LINGO2: variants seen among roughly 807,000 people sequenced by gnomAD.
LINGO2 encodes leucine-rich repeat and immunoglobulin-like domain-containing nogo receptor-interacting protein 2.
A neutral mutation model predicts 30.6 loss-of-function variants in LINGO2; 14 were observed. The observed-to-expected ratio is 0.46, with a 90% CI of 0.30 to 0.72. The LOEUF is 0.72. Ranked by LOEUF, LINGO2 falls within the 30% of genes least tolerant of loss-of-function variation. LINGO2 has a pLI of 0.07. For synonymous variants in LINGO2, 317 were observed against 288.5 expected (o/e 1.10, Z -1.00); for missense variants, 729 against 751.7 (o/e 0.97, Z 0.35).
At chr9:28,849,724 C>G in the LINGO2 span, among the ~76,000 whole-genome samples, 1 of 152,016 alleles carries the variant, frequency 6.6e-6, no homozygotes, top group Non-Finnish European at 1.5e-5. Context: ...AAGACCAACT[C>G]TAACCATCTC....
rs1461558450 is a variant in LINGO2 at position 28,549,862 on chromosome 9, A to G, written c.-364-73837T>C. On this transcript the variant is annotated intron_variant, in intron 1 of 5. Transcript: ENST00000379992. ...TCTCATACTCTTTAATAGTTCTCGA[A>G]AATATCATTTTACCCTCCATTTTTG... is the stretch of plus-strand genomic sequence containing the variant. 2.0e-5 allele frequency among the ~76,000 whole-genome samples: 3 copies of G among 151,666 alleles called. No individual in the cohort carries two copies. In the East Asian group the frequency reaches 5.8e-4, roughly 29 times the overall value.
chr9:28,138,708 A>G (rs1827591193), intron 4 of LINGO2, among the ~76,000 whole-genome samples: 1 of 152,194 alleles, frequency 6.6e-6, no homozygotes. Flanking sequence ...AAACCTTACT[A>G]ATGCTAATAT....
exon 6 of LINGO2, chr9:27,949,498 A>T (rs1329848676): frequency 6.2e-7 from 1 of 1,613,676 alleles, no homozygotes; most frequent in African/African-American, 1.3e-5. Flanking sequence ...TCCTTGAAAG[A>T]CCTCTCACGG....
At chr9:28,138,040 TGGAA>T (rs1406944808) in intron 4 of LINGO2, among the ~76,000 whole-genome samples, 3 of 152,194 alleles carry the variant, frequency 2.0e-5, no homozygotes, top group African/African-American at 7.2e-5. Context: ...ATAAAAACTC[TGGAA>T]GGTAGATATC....
At chr9:29,078,906 A>G in the LINGO2 span, among the ~76,000 whole-genome samples, 2 of 151,908 alleles carry the variant, frequency 1.3e-5, no homozygotes, top group Non-Finnish European at 2.9e-5. Context: ...AACAATTATT[A>G]GAAGGCCCAG....
the LINGO2 span, among the ~76,000 whole-genome samples, chr9:29,172,563 C>T: frequency 6.6e-6 from 1 of 151,744 alleles, no homozygotes; most frequent in Non-Finnish European, 1.5e-5. Context: ...ATTTAATAAT[C>T]ACTGAAATTA....
chr9:28,269,606 A>C (rs1235054576), intron 4 of LINGO2, among the ~76,000 whole-genome samples: 2 of 152,104 alleles, frequency 1.3e-5, no homozygotes, highest in Non-Finnish European at 2.9e-5. Context: ...GTTTCACAGC[A>C]AGGCAAACTT....
the LINGO2 span, among the ~76,000 whole-genome samples, chr9:29,162,647 T>G: frequency 6.6e-6 from 1 of 152,136 alleles, no homozygotes; most frequent in Non-Finnish European, 1.5e-5. Context: ...AAATGGATGG[T>G]GTATATAAAA....
chr9:28,862,627 C>A, the LINGO2 span, among the ~76,000 whole-genome samples: 1 of 151,978 alleles, frequency 6.6e-6, no homozygotes, highest in Non-Finnish European at 1.5e-5. Context: ...TAGATATATT[C>A]AATGATGATG....
chr9:29,167,086 T>C, the LINGO2 span, among the ~76,000 whole-genome samples: 1 of 152,144 alleles, frequency 6.6e-6, no homozygotes, highest in Non-Finnish European at 1.5e-5. Context: ...ACAATAATTA[T>C]TTATTTTGTA....
intron 2 of LINGO2, among the ~76,000 whole-genome samples, chr9:28,448,745 G>A (rs1378629696): frequency 6.6e-6 from 1 of 152,080 alleles, no homozygotes; most frequent in Non-Finnish European, 1.5e-5. Context: ...GAGCATTTAA[G>A]CTAGCCTTGA....
intron 2 of LINGO2, among the ~76,000 whole-genome samples, chr9:28,378,075 T>C (rs1295200813): frequency 6.6e-6 from 1 of 152,224 alleles, no homozygotes; most frequent in African/African-American, 2.4e-5. Context: ...TAAGCATTTG[T>C]GGCATCACTG....
At chr9:28,107,484 A>G (rs753366226) in intron 4 of LINGO2, among the ~76,000 whole-genome samples, 1 of 152,102 alleles carries the variant, frequency 6.6e-6, no homozygotes, top group Non-Finnish European at 1.5e-5. Flanking sequence ...GAGACACTCT[A>G]AGGTTTCTTC....
the LINGO2 span, among the ~76,000 whole-genome samples, chr9:29,133,060 C>A: frequency 6.6e-6 from 1 of 152,040 alleles, no homozygotes; most frequent in Non-Finnish European, 1.5e-5. Context: ...TGTCAGTAGC[C>A]TCCTACCTGG....
chr9:28,569,414 A>C (rs539507654), intron 1 of LINGO2, among the ~76,000 whole-genome samples: 1 of 98,484 alleles, frequency 1.0e-5, no homozygotes, highest in East Asian at 8.3e-4. Flanking sequence ...CAAATGGATA[A>C]AGAAAAGGTG....
chr9:28,641,326 G>A (rs570508964), intron 1 of LINGO2, among the ~76,000 whole-genome samples: 21 of 151,986 alleles, frequency 1.4e-4, no homozygotes, highest in Non-Finnish European at 2.4e-4. Context: ...GTGAGCCACC[G>A]CGCCCGGCCT....
At chr9:29,044,616 C>A in the LINGO2 span, among the ~76,000 whole-genome samples, 64 of 152,102 alleles carry the variant, frequency 4.2e-4, 2 homozygotes, top group East Asian at 0.011. Flanking sequence ...AAGGGATATT[C>A]TCAAAAATAT....
At chr9:28,572,645 C>A (rs984237075) in intron 1 of LINGO2, among the ~76,000 whole-genome samples, 1 of 151,968 alleles carries the variant, frequency 6.6e-6, no homozygotes, top group Non-Finnish European at 1.5e-5. Context: ...ATGGAGACAT[C>A]TTCCTTTCAG....
intron 5 of LINGO2, chr9:28,012,284 C>G (rs2119260265): frequency 6.6e-6 from 1 of 152,228 alleles, no homozygotes; most frequent in South Asian, 2.1e-4. Context: ...TGGAGAGGAG[C>G]TGGTCTCATG....
Sources: allele counts gnomAD v4.1 joint callset (sites outside exome capture counted in the v4.1 genomes callset), GRCh38; gene constraint gnomAD v4.1.1; transcripts MANE v1.5; gene names NCBI Gene and HGNC (gene_info 2026-07-23, HGNC 2026-07-21).